FREM1: variants seen among roughly 807,000 people sequenced by gnomAD.
The protein encoded by FREM1 is FRAS1-related extracellular matrix protein 1.
FREM1 carries 220 observed loss-of-function variants against 210.1 expected under a neutral mutation model. That is an observed-to-expected ratio of 1.05 (90% CI 0.94 to 1.17). FREM1 has a LOEUF of 1.17. Among genes scored for constraint, FREM1 ranks in the 50% most tolerant of loss-of-function variants. The pLI is 0.00. For synonymous variants in FREM1, 1,189 were observed against 980.2 expected (o/e 1.21, Z -3.98); for missense variants, 3,454 against 2,675.5 (o/e 1.29, Z -6.42).
chr9:14,848,821 G>T, intron 6 of FREM1, 48 bp from the exon 7 acceptor site: 1 of 1,152,922 alleles, frequency 8.7e-7, no homozygotes, highest in Non-Finnish European at 1.3e-6. Context: ...GCGTTACAGG[G>T]TAAAGTAGCA....
chr9:14,795,468 G>C (rs1057024007), intron 21 of FREM1, among the ~76,000 whole-genome samples: 1 of 152,166 alleles, frequency 6.6e-6, no homozygotes, highest in African/African-American at 2.4e-5. Context: ...AAAAATAATG[G>C]AGCAGTTTCC....
intron 3 of FREM1, among the ~76,000 whole-genome samples, chr9:14,862,809 A>G (rs1830815015): frequency 6.6e-6 from 1 of 152,124 alleles, no homozygotes; most frequent in Non-Finnish European, 1.5e-5. Context: ...AGCCTTTATC[A>G]GTGCTTCGTT....
intron 1 of FREM1, among the ~76,000 whole-genome samples, chr9:14,904,898 G>C (rs1817423967): frequency 6.6e-6 from 1 of 151,992 alleles, no homozygotes; most frequent in African/African-American, 2.4e-5. Context: ...GCCTTTGCAG[G>C]TTTTGTCCAT....
intron 16 of FREM1, among the ~76,000 whole-genome samples, chr9:14,808,875 A>T (rs982858807): frequency 6.6e-6 from 1 of 152,196 alleles, no homozygotes; most frequent in Non-Finnish European, 1.5e-5. Context: ...ACCCACTAAG[A>T]GCGTGGAGTA....
At chr9:14,761,865 T>C (rs1845555729) in intron 27 of FREM1, among the ~76,000 whole-genome samples, 1 of 152,216 alleles carries the variant, frequency 6.6e-6, no homozygotes, top group Non-Finnish European at 1.5e-5. Context: ...TTTTACATAA[T>C]CATGGCCCCA....
chr9:14,856,325 T>G (rs1179725885), intron 5 of FREM1, among the ~76,000 whole-genome samples: 2 of 152,232 alleles, frequency 1.3e-5, no homozygotes, highest in Non-Finnish European at 2.9e-5. Context: ...CAGAAATTTA[T>G]CCTTGAAAAG....
intron 1 of FREM1, among the ~76,000 whole-genome samples, chr9:14,878,522 G>C (rs1241668334): frequency 1.3e-5 from 2 of 152,152 alleles, no homozygotes; most frequent in African/African-American, 4.8e-5. Context: ...TTCCTGCTTA[G>C]TTTTTAACCT....
intron 5 of FREM1, among the ~76,000 whole-genome samples, chr9:14,854,866 C>A (rs1354272340): frequency 6.6e-6 from 1 of 151,972 alleles, no homozygotes; most frequent in East Asian, 1.9e-4. Flanking sequence ...GTATGCTCAC[C>A]TTACATGAAG....
In FREM1 at chr9:14,801,893, G is replaced by C; in HGVS notation, c.3472-19C>G. The C allele has an allele frequency of 1.9e-6, 3 of 1,566,690 alleles. No individual in the cohort carries two copies. In the South Asian group the frequency reaches 3.5e-5, roughly 18 times the overall value. ...CACACACCTGAGCAAGAACACATGAGAAAAGTCAACAATGCATAAAAGACA... is the reference window on the plus strand; with the variant it reads ...CACACACCTGAGCAAGAACACATGACAAAAGTCAACAATGCATAAAAGACA... On this transcript the variant is annotated intron_variant, in intron 19 of 36. Transcript: ENST00000380880.
chr9:14,824,433 A>G (rs556408478), intron 11 of FREM1, among the ~76,000 whole-genome samples: 1 of 152,316 alleles, frequency 6.6e-6, no homozygotes, highest in African/African-American at 2.4e-5. Context: ...ATTTTTCTAG[A>G]TTGAGATCAT....
At chr9:14,785,931 C>G (rs561527524) in intron 23 of FREM1, among the ~76,000 whole-genome samples, 2 of 152,130 alleles carry the variant, frequency 1.3e-5, no homozygotes, top group East Asian at 3.9e-4. Flanking sequence ...TAATTCACCA[C>G]TATTTTTTTT....
chr9:14,893,835 T>C (rs1207429846), intron 1 of FREM1, among the ~76,000 whole-genome samples: 1 of 152,168 alleles, frequency 6.6e-6, no homozygotes, highest in African/African-American at 2.4e-5. Context: ...TTGTGGAAGG[T>C]TTGTAAAAAA....
Position 14,806,694 on chromosome 9 carries a change from C to A in FREM1, c.3241G>T (p.Gly1081Cys). 6.2e-7 allele frequency: 1 copy of A among 1,601,760 alleles called. No individual in the cohort carries two copies. Among genetic ancestry groups the A allele is most frequent in the South Asian group, 1.1e-5 (1 of 88,244 alleles). Residue 1081 changes from glycine (G) to cysteine (C), a missense_variant, in exon 18 of 37, where the codon GGT becomes TGT. Physicochemically the swap from Gly to Cys is radical, Grantham distance 159. Coordinates refer to ENST00000380880, the MANE Select transcript of FREM1 (RefSeq NM_001379081.2). ...GYLENILPSV[G>C]FEKSNIGISI... ...ATGCCAATATTGCTTTTTTCAAAACCCACAGAAGGGAGTATATTTTCGAGG... is the reference window on the plus strand; with the variant it reads ...ATGCCAATATTGCTTTTTTCAAAACACACAGAAGGGAGTATATTTTCGAGG...
At chr9:14,774,457 G>C (rs1050824224) in intron 25 of FREM1, among the ~76,000 whole-genome samples, 1 of 149,236 alleles carries the variant, frequency 6.7e-6, no homozygotes, top group African/African-American at 2.5e-5. Context: ...TGTGTATTTC[G>C]GACATGCCAG....
At chr9:14,896,038 G>C (rs1053447658) in intron 1 of FREM1, among the ~76,000 whole-genome samples, 3 of 152,124 alleles carry the variant, frequency 2.0e-5, no homozygotes, top group East Asian at 3.9e-4. Flanking sequence ...CTTACTCATA[G>C]GATGAGAGAG....
chr9:14,873,859 T>C (rs1395119443), intron 1 of FREM1, among the ~76,000 whole-genome samples: 1 of 152,244 alleles, frequency 6.6e-6, no homozygotes, highest in Non-Finnish European at 1.5e-5. Flanking sequence ...GAGATTCTGG[T>C]ATGTTTTGTC....
At chr9:14,825,535 A>G (rs62536617) in intron 10 of FREM1, among the ~76,000 whole-genome samples, 72,332 of 107,240 alleles carry the variant, frequency 0.67, 26,032 homozygotes, top group Non-Finnish European at 0.76. Flanking sequence ...ATATATATAT[A>G]TGTGTGTGTG....
At chr9:14,798,301 A>C (rs1182811849) in intron 20 of FREM1, among the ~76,000 whole-genome samples, 2 of 152,230 alleles carry the variant, frequency 1.3e-5, no homozygotes, top group Non-Finnish European at 1.5e-5. Flanking sequence ...TGTATTTTAA[A>C]GATAGTTGTA....
At chr9:14,867,919 A>G (rs939568206) in intron 2 of FREM1, among the ~76,000 whole-genome samples, 1 of 152,188 alleles carries the variant, frequency 6.6e-6, no homozygotes, top group Non-Finnish European at 1.5e-5. Flanking sequence ...GAGAATATAG[A>G]CTTTTTAAAC....
Sources: allele counts gnomAD v4.1 joint callset (sites outside exome capture counted in the v4.1 genomes callset), GRCh38; gene constraint gnomAD v4.1.1; transcripts MANE v1.5; gene names NCBI Gene and HGNC (gene_info 2026-07-23, HGNC 2026-07-21).